The following BCAN variants were observed in gnomAD, a reference collection of about 807,000 sequenced individuals.
The protein encoded by BCAN is brevican core protein.
Under a neutral mutation model 92.4 loss-of-function variants are expected in BCAN, and 51 were observed. That is an observed-to-expected ratio of 0.55 (90% CI 0.44 to 0.70). BCAN has a LOEUF of 0.70. Ranked by LOEUF, BCAN falls within the 30% of genes least tolerant of loss-of-function variation. BCAN has a pLI of 0.00. For missense variants in BCAN, 1,140 were observed against 1,212.1 expected, an observed-to-expected ratio of 0.94 and a Z score of 0.88; for synonymous variants, 501 against 505.2, an observed-to-expected ratio of 0.99 and a Z score of 0.11.
chr1:156,654,675 C>T (rs1176920755), intron 8 of BCAN, among the ~76,000 whole-genome samples: 1 of 152,098 alleles, frequency 6.6e-6, no homozygotes, highest in Non-Finnish European at 1.5e-5. Context: ...GCCTCTGTCC[C>T]CCAGGGTTGG....
chr1:156,645,806 A>G (rs1377511957), intron 1 of BCAN, among the ~76,000 whole-genome samples: 3 of 152,230 alleles, frequency 2.0e-5, no homozygotes, highest in Admixed American at 1.3e-4. Context: ...ATAAAGGCTC[A>G]GAGAAGGTAA....
chr1:156,656,870 A>G, intron 9 of BCAN, 68 bp from the exon 10 acceptor site: 1 of 1,571,712 alleles, frequency 6.4e-7, no homozygotes, highest in Non-Finnish European at 8.7e-7. Context: ...GAAGGAGACC[A>G]GCCCCTTCCA....
At position 156,652,770 on chromosome 1, in the gene BCAN, T is replaced by C; in HGVS notation, c.1820T>C (p.Leu607Pro). The C allele has an allele frequency of 1.2e-6, 2 of 1,611,066 alleles. No homozygotes were observed. The highest frequency in any genetic ancestry group is 2.2e-5 in the South Asian group (2 of 90,888). ...ATRAPEGTRE[L>P]EAPSEDNSGR... ...CGGGCCCCTGAGGGTACCAGGGAGC[T>C]GGAGGCCCCCTCTGAAGATAATTCT... The change falls in exon 8 of 14, where the codon CTG becomes CCG. Residue 607 changes from leucine to proline, a missense_variant. Around this residue, in one of 3 missense-constraint regions of BCAN, gnomAD observed 825 missense variants for 871.8 expected, o/e 0.95. Transcript: ENST00000329117.
chr1:156,656,359 C>T lies in BCAN; in HGVS notation c.2020C>T (p.Pro674Ser). ...GGAAGGGGTCCGCTGCCTATGTCTG[C>T]CTGGCTATGGGGGGGACCTGTGCGA... ...EEEGVRCLCL[P>S]GYGGDLCDVG... The change falls in exon 9 of 14, where the codon CCT becomes TCT. Residue 674 changes from proline (P) to serine (S), a missense_variant. Transcript: ENST00000329117. 7.1e-7 allele frequency: 1 copy of T among 1,403,724 alleles called. No individual in the cohort carries two copies. Among genetic ancestry groups the T allele is most frequent in the South Asian group, 2.1e-5 (1 of 48,720 alleles). 87.0% of individuals were successfully genotyped at this position (1,403,724 alleles called of 1,614,324 possible).
At chr1:156,644,493 C>T (rs1188750118) in intron 1 of BCAN, 1 of 152,438 alleles carries the variant, frequency 6.6e-6, no homozygotes, top group East Asian at 1.9e-4. Context: ...TCCCAAGCAC[C>T]CCAATGCCTG....
chr1:156,645,839 G>GTGAGT (rs999824896), intron 1 of BCAN, among the ~76,000 whole-genome samples: 1 of 152,236 alleles, frequency 6.6e-6, no homozygotes, highest in African/African-American at 2.4e-5. Context: ...AGGTCACACA[G>GTGAGT]TGAGTTGACT....
At chr1:156,657,164 G>T in intron 10 of BCAN, 68 bp downstream of exon 10, 1 of 1,570,132 alleles carries the variant, frequency 6.4e-7, no homozygotes, top group South Asian at 1.1e-5. Flanking sequence ...TCGCCTAACC[G>T]CCTTCCTCAT....
Position 156,647,840 on chromosome 1 carries a change from A to G in BCAN, c.642-143A>G. ...AGGAGGGGAGGTGAGGACCCTGAGC[A>G]TGTGCATCCCTGCAGTGCTAGAAGG... On this transcript the variant is annotated intron_variant, in intron 4 of 13. Coordinates refer to ENST00000329117, the MANE Select transcript of BCAN (RefSeq NM_021948.5). The surrounding 1 kb of genome is among the most constrained non-coding windows in gnomAD (Gnocchi z 4.8). 1.3e-6 allele frequency: 2 copies of G among 1,534,478 alleles called. No individual in the cohort carries two copies. Among genetic ancestry groups the G allele is most frequent in the Non-Finnish European group, 1.8e-6 (2 of 1,111,070 alleles).
At chr1:156,643,285 T>C (rs1467673631) in intron 1 of BCAN, 2 of 152,246 alleles carry the variant, frequency 1.3e-5, no homozygotes, top group African/African-American at 2.4e-5. Flanking sequence ...GATCTGCAAC[T>C]GCTCGGCTGG....
At position 156,656,335 on chromosome 1, in the gene BCAN, G is replaced by A. The variant is rs748988874; in HGVS notation, c.1996G>A (p.Glu666Lys). 7.0e-7 allele frequency: 1 copy of A among 1,430,284 alleles called. No homozygotes were observed. The highest frequency in any genetic ancestry group is 1.9e-5 in the South Asian group (1 of 53,816). The allele number at this position is 1,430,284 out of a possible 1,614,324, so 88.6% of individuals were successfully genotyped here. Residue 666 changes from glutamate (E) to lysine (K), a missense_variant, in exon 9 of 14, where the codon GAA becomes AAA. Physicochemically the swap from Glu to Lys is moderately conservative, Grantham distance 56. Around this residue, in one of 3 missense-constraint regions of BCAN, gnomAD observed 825 missense variants for 871.8 expected, o/e 0.95. Transcript: ENST00000329117. ...TGGTGGGACATGCTTGGAGGAGGAG[G>A]AAGGGGTCCGCTGCCTATGTCTGCC... Reference protein sequence around the residue: ...HNGGTCLEEEEGVRCLCLPGY... With the variant: ...HNGGTCLEEEKGVRCLCLPGY...
intron 10 of BCAN, 39 bp downstream of exon 10, chr1:156,657,135 T>C (rs753597728): frequency 6.2e-7 from 1 of 1,600,250 alleles, no homozygotes. Flanking sequence ...CCCTGCCATA[T>C]GCTCTCACTC....
chr1:156,648,727 G>T lies in BCAN; in HGVS notation c.929G>T (p.Ser310Ile), dbSNP rs1679065301. The change falls in exon 6 of 14, where the codon AGT becomes ATT. Residue 310 changes from serine (S) to isoleucine (I), a missense_variant. Around this residue, in one of 3 missense-constraint regions of BCAN, gnomAD observed 825 missense variants for 871.8 expected, o/e 0.95. Transcript: ENST00000329117. ...AGCCCAGGGTGGCTAGCTGATGGCA[G>T]TGTGCGCTACCCCATCGTCACACCC... ...HCSPGWLADG[S>I]VRYPIVTPSQ... 6.2e-7 allele frequency: 1 copy of T among 1,613,720 alleles called. No homozygotes were observed.
In BCAN at chr1:156,658,934, G is replaced by A; in HGVS notation, c.2629-93G>A. ...CTGATAACATGCAGCCCCATTCTGG[G>A]CTCTTACGGGCTGAGCAAGAACATC... On this transcript the variant is annotated intron_variant, in intron 13 of 13. Coordinates refer to ENST00000329117, the MANE Select transcript of BCAN (RefSeq NM_021948.5). This position sits in a 1 kb window ranked among gnomAD's most constrained non-coding sequence, Gnocchi z 4.4. 1 of 1,345,856 alleles carries A rather than the reference G, an allele frequency of 7.4e-7. No individual in the cohort carries two copies. The allele number at this position is 1,345,856 out of a possible 1,614,324, so 83.4% of individuals were successfully genotyped here.
chr1:156,654,866 G>A (rs1292581807), intron 8 of BCAN, among the ~76,000 whole-genome samples: 1 of 152,210 alleles, frequency 6.6e-6, no homozygotes, highest in African/African-American at 2.4e-5. Context: ...CTATTGGCAG[G>A]AGGGAAGATG....
At position 156,651,701 on chromosome 1, in the gene BCAN, C is replaced by A. The variant is rs1229539892; in HGVS notation, c.1297+12C>A. The A allele has an allele frequency of 5.7e-6, 9 of 1,590,582 alleles. No homozygotes were observed. The highest frequency in any genetic ancestry group is 7.7e-6 in the Non-Finnish European group (9 of 1,168,278). ...TAGGACGCTCCTAGGTAAGTCGGAT[C>A]CCTTATCCTAAGGATGTCTTGATTG... On this transcript the variant is annotated intron_variant, in intron 7 of 13. Coordinates refer to ENST00000329117, the MANE Select transcript of BCAN (RefSeq NM_021948.5).
Position 156,647,192 on chromosome 1 carries a change from G to T in BCAN, c.466+17G>T. ...AGGTCAAAGGTGAGAGGGCAGGGAG[G>T]TTCCAGAGGGAGGGAGGGAGGGAGG... On this transcript the variant is annotated intron_variant, in intron 3 of 13. Coordinates refer to ENST00000329117, the MANE Select transcript of BCAN (RefSeq NM_021948.5). This position sits in a 1 kb window ranked among gnomAD's most constrained non-coding sequence, Gnocchi z 4.8. 3.9e-6 allele frequency: 2 copies of T among 516,490 alleles called. No individual in the cohort carries two copies. Among genetic ancestry groups the T allele is most frequent in the African/African-American group, 2.1e-5 (1 of 47,730 alleles). 32.0% of individuals were successfully genotyped at this position (516,490 alleles called of 1,614,324 possible).
In BCAN at chr1:156,642,788, C is replaced by T. The variant is rs1289533808; in HGVS notation, c.-9+513C>T. ...TTTCGGCTGGAATCCCAACTCGGCT[C>T]CTTGCTCTGTGACCTTGGGGTAGTT... On this transcript the variant is annotated intron_variant, in intron 1 of 13. Transcript: ENST00000329117. The surrounding 1 kb of genome is among the most constrained non-coding windows in gnomAD (Gnocchi z 4.2). 1 of 152,242 alleles carries T rather than the reference C, an allele frequency of 6.6e-6. No homozygotes were observed. The highest frequency in any genetic ancestry group is 2.4e-5 in the African/African-American group (1 of 41,430). 9.4% of individuals were successfully genotyped at this position (152,242 alleles called of 1,614,324 possible). A position where few individuals can be genotyped will look rare whatever the true frequency, so the allele number is the denominator to read the frequency against.
rs1679207250 is a variant in BCAN at position 156,652,594 on chromosome 1, G to A, written c.1644G>A (p.Glu548=). 5.6e-6 allele frequency: 9 copies of A among 1,614,102 alleles called. No individual in the cohort carries two copies. Among genetic ancestry groups the A allele is most frequent in the Non-Finnish European group, 7.6e-6 (9 of 1,179,970 alleles). ...PPTETLPTPR[E]RNLASPSPST... is the part of the protein sequence containing the mutation. ...CTGAGACTCTGCCCACTCCCAGGGA[G>A]AGGAACCTAGCATCCCCATCACCTT... Residue 548 remains glutamate, a synonymous_variant, in exon 8 of 14, where the codon GAG becomes GAA. Transcript: ENST00000329117.
Position 156,646,860 on chromosome 1 carries a change from G to T in BCAN, c.151G>T (p.Gly51Cys). Residue 51 changes from glycine to cysteine, a missense_variant, in exon 3 of 14, where the codon GGC (glycine) becomes TGC (cysteine). Around this residue, in one of 3 missense-constraint regions of BCAN, gnomAD observed 286 missense variants for 284.1 expected, o/e 1.01. Coordinates refer to ENST00000329117, the MANE Select transcript of BCAN (RefSeq NM_021948.5). ...GDAPLQGVLG[G>C]ALTIPCHVHY... ...CGCGCCACTGCAGGGCGTGCTCGGC[G>T]GCGCCCTCACCATCCCTTGCCACGT... is the stretch of plus-strand genomic sequence containing the variant. 6 of 1,607,668 alleles carry T rather than the reference G, an allele frequency of 3.7e-6. No homozygotes were observed. Among genetic ancestry groups the T allele is most frequent in the Non-Finnish European group, 4.2e-6 (5 of 1,177,104 alleles).
Sources: allele counts gnomAD v4.1 joint callset (sites outside exome capture counted in the v4.1 genomes callset), GRCh38; gene constraint gnomAD v4.1.1; regional missense constraint gnomAD v4.1.1; non-coding constraint Gnocchi (gnomAD v3.1); transcripts MANE v1.5; gene names NCBI Gene and HGNC (gene_info 2026-07-23, HGNC 2026-07-21).